DSCAM: variants seen among roughly 807,000 people sequenced by gnomAD.
The protein encoded by DSCAM is cell adhesion molecule DSCAM.
DSCAM carries 47 observed loss-of-function variants against 217.7 expected under a neutral mutation model. The observed-to-expected ratio is 0.22, with a 90% CI of 0.17 to 0.28. DSCAM has a LOEUF of 0.28. Among genes scored for constraint, DSCAM ranks in the 10% least tolerant of loss-of-function variants. DSCAM has a pLI of 1.00. For synonymous variants in DSCAM, 1,056 were observed against 1,015.3 expected (o/e 1.04, Z -0.76); for missense variants, 2,080 against 2,618.3 (o/e 0.79, Z 4.49).
At position 40,530,171 on chromosome 21, in the gene DSCAM, A is replaced by G. The variant is rs180733070; in HGVS notation, c.509-160926T>C. Among the ~76,000 whole-genome samples, 899 of 152,312 alleles carry G rather than the reference A, an allele frequency of 5.9e-3. 13 individuals are homozygous for G. The highest frequency in any genetic ancestry group is 0.019 in the African/African-American group (804 of 41,560). On this transcript the variant is annotated intron_variant, in intron 3 of 32. Coordinates refer to ENST00000400454, the MANE Select transcript of DSCAM (RefSeq NM_001389.5). ...CACCATTCCATGGTCATTGTACGAC[A>G]GACACAAACTCAGTACAAAGAAACA...
At chr21:40,143,790 C>G (rs1167500902) in intron 17 of DSCAM, among the ~76,000 whole-genome samples, 3 of 151,210 alleles carry the variant, frequency 2.0e-5, no homozygotes, top group African/African-American at 7.3e-5. Flanking sequence ...GACTCCGTCT[C>G]AAAAAAAAAT....
intron 3 of DSCAM, among the ~76,000 whole-genome samples, chr21:40,522,484 T>TC (rs901130959): frequency 1.8e-4 from 28 of 152,248 alleles, no homozygotes; most frequent in African/African-American, 6.7e-4. Context: ...AATTTGATTG[T>TC]CCCCCCTTTA....
intron 3 of DSCAM, among the ~76,000 whole-genome samples, chr21:40,408,289 G>A (rs2075295452): frequency 6.6e-6 from 1 of 152,124 alleles, no homozygotes; most frequent in Non-Finnish European, 1.5e-5. Context: ...GAAGGTCTGT[G>A]ATAGGGTGGG....
chr21:40,097,058 A>G (rs566400507), intron 20 of DSCAM, among the ~76,000 whole-genome samples: 1 of 152,296 alleles, frequency 6.6e-6, no homozygotes, highest in African/African-American at 2.4e-5. Context: ...CAGCAGAAGG[A>G]AAATAATACC....
At chr21:40,775,227 C>T (rs1292935702) in intron 1 of DSCAM, among the ~76,000 whole-genome samples, 3 of 152,122 alleles carry the variant, frequency 2.0e-5, no homozygotes, top group African/African-American at 7.2e-5. Context: ...TTAGGCAGAT[C>T]TAGCCATCTT....
intron 1 of DSCAM, among the ~76,000 whole-genome samples, chr21:40,777,293 T>C (rs1015342722): frequency 3.3e-5 from 5 of 152,182 alleles, no homozygotes; most frequent in Admixed American, 6.5e-5. Context: ...TACCATCACA[T>C]TGGGGATTAG....
chr21:40,178,520 A>G (rs2090758133), intron 15 of DSCAM, among the ~76,000 whole-genome samples: 1 of 152,222 alleles, frequency 6.6e-6, no homozygotes, highest in African/African-American at 2.4e-5. Context: ...GCATGCTTGC[A>G]GATTCCTAGT....
intron 21 of DSCAM, among the ~76,000 whole-genome samples, chr21:40,087,820 A>G (rs2089552324): frequency 6.6e-6 from 1 of 152,210 alleles, no homozygotes; most frequent in Admixed American, 6.5e-5. Context: ...CCTCTCTTGA[A>G]GAACAACCAT....
At chr21:40,377,140 C>T (rs954673116) in intron 3 of DSCAM, among the ~76,000 whole-genome samples, 23 of 152,150 alleles carry the variant, frequency 1.5e-4, no homozygotes, top group Non-Finnish European at 2.5e-4. Context: ...CCACTGCTTT[C>T]GGCATTATTT....
At chr21:40,249,831 C>A (rs2073278151) in intron 11 of DSCAM, among the ~76,000 whole-genome samples, 1 of 152,114 alleles carries the variant, frequency 6.6e-6, no homozygotes, top group South Asian at 2.1e-4. Flanking sequence ...AACCTCCAAG[C>A]TCCAAAGAAG....
chr21:40,227,224 C>A (rs1389583899), intron 11 of DSCAM, among the ~76,000 whole-genome samples: 1 of 152,140 alleles, frequency 6.6e-6, no homozygotes, highest in East Asian at 1.9e-4. Context: ...GACTCTGGCC[C>A]ATTCTGAAGC....
At chr21:40,798,909 A>G (rs928574640) in intron 1 of DSCAM, among the ~76,000 whole-genome samples, 4 of 152,146 alleles carry the variant, frequency 2.6e-5, no homozygotes, top group Non-Finnish European at 4.4e-5. Context: ...CAATTTAGAT[A>G]AACAAATTTA....
chr21:40,376,468 A>AGATATCTATATATCTTATATC (rs2074953931), intron 3 of DSCAM, among the ~76,000 whole-genome samples: 3 of 112,742 alleles, frequency 2.7e-5, no homozygotes, highest in African/African-American at 8.5e-5. Context: ...TATCTTATAT[A>AGATATCTATATATCTTATATC]GATATCTATA....
At chr21:40,556,765 A>AT (rs2076675266) in intron 3 of DSCAM, among the ~76,000 whole-genome samples, 1 of 152,130 alleles carries the variant, frequency 6.6e-6, no homozygotes, top group South Asian at 2.1e-4. Context: ...TTTATGATGG[A>AT]TCCACCCCCA....
At chr21:40,795,384 T>C (rs534027358) in intron 1 of DSCAM, among the ~76,000 whole-genome samples, 6 of 152,130 alleles carry the variant, frequency 3.9e-5, no homozygotes, top group Non-Finnish European at 8.8e-5. Context: ...CAAGGTCATA[T>C]TCCTGGACTG....
chr21:40,442,410 T>C (rs950253519), intron 3 of DSCAM, among the ~76,000 whole-genome samples: 2 of 151,416 alleles, frequency 1.3e-5, no homozygotes, highest in African/African-American at 2.4e-5. Context: ...AATTTTTTTA[T>C]ATTTAAAAGG....
chr21:40,063,951 G>T (rs564399303), intron 27 of DSCAM, among the ~76,000 whole-genome samples: 7 of 151,924 alleles, frequency 4.6e-5, no homozygotes, highest in Admixed American at 3.9e-4. Flanking sequence ...GCACAGATGG[G>T]TTCAGCCTGG....
chr21:40,355,959 G>C (rs1348906885), intron 4 of DSCAM, among the ~76,000 whole-genome samples: 5 of 152,254 alleles, frequency 3.3e-5, no homozygotes, highest in African/African-American at 1.2e-4. Context: ...CATTGCAAAT[G>C]GGAAGATTTG....
intron 3 of DSCAM, among the ~76,000 whole-genome samples, chr21:40,613,596 T>A (rs934878426): frequency 6.6e-6 from 1 of 152,022 alleles, no homozygotes; most frequent in African/African-American, 2.4e-5. Context: ...TAAAAAAAAA[T>A]TGTTAGAATA....
Sources: allele counts gnomAD v4.1 joint callset (sites outside exome capture counted in the v4.1 genomes callset), GRCh38; gene constraint gnomAD v4.1.1; transcripts MANE v1.5; gene names NCBI Gene and HGNC (gene_info 2026-07-23, HGNC 2026-07-21).